JAKMIP2: variants seen among roughly 807,000 people sequenced by gnomAD.
JAKMIP2 encodes the protein janus kinase and microtubule-interacting protein 2.
JAKMIP2 carries 25 observed loss-of-function variants against 115.0 expected under a neutral mutation model. That is an observed-to-expected ratio of 0.22 (90% CI 0.16 to 0.30). The LOEUF is 0.30. Among genes scored for constraint, JAKMIP2 ranks in the 10% least tolerant of loss-of-function variants. The pLI is 1.00. For missense variants in JAKMIP2, 642 were observed against 957.6 expected, an observed-to-expected ratio of 0.67 and a Z score of 4.35; for synonymous variants, 334 against 343.6, an observed-to-expected ratio of 0.97 and a Z score of 0.31.
At position 147,693,552 on chromosome 5, in the gene JAKMIP2, C is replaced by G. The variant is rs537405815; in HGVS notation, c.-148-21598G>C. On this transcript the variant is annotated intron_variant, in intron 1 of 21. Transcript: ENST00000616793. The stretch of plus-strand genomic sequence containing the variant: ...GAGTGATGTGTGGGATTACGGGTGG[C>G]AAAGAGATATCACAAACACATTTTT... 3.7e-4 allele frequency among the ~76,000 whole-genome samples: 56 copies of G among 151,500 alleles called. 1 individual carries two copies. The East Asian group carries it at 0.011, about 29-fold the overall frequency.
At chr5:147,720,136 G>C (rs901904393) in intron 1 of JAKMIP2, among the ~76,000 whole-genome samples, 5 of 152,192 alleles carry the variant, frequency 3.3e-5, no homozygotes, top group African/African-American at 2.4e-5. Flanking sequence ...ATGAAATTCT[G>C]GGTTGAAAAT....
intron 19 of JAKMIP2, among the ~76,000 whole-genome samples, chr5:147,613,423 T>G (rs1353324144): frequency 6.6e-6 from 1 of 152,196 alleles, no homozygotes; most frequent in Non-Finnish European, 1.5e-5. Context: ...TACTTGAACT[T>G]GGAAAGCATA....
intron 1 of JAKMIP2, among the ~76,000 whole-genome samples, chr5:147,676,593 C>A (rs1444874189): frequency 6.6e-6 from 1 of 152,178 alleles, no homozygotes; most frequent in Non-Finnish European, 1.5e-5. Flanking sequence ...TAGCCCCAGG[C>A]AACATTGTGA....
intron 1 of JAKMIP2, 87 bp downstream of exon 1, chr5:147,782,369 A>C: frequency 7.6e-7 from 1 of 1,322,790 alleles, no homozygotes; most frequent in East Asian, 2.5e-5. Flanking sequence ...CACGGGAGTC[A>C]TTGTTCAAGT....
intron 2 of JAKMIP2, among the ~76,000 whole-genome samples, chr5:147,669,478 G>A (rs916422872): frequency 6.6e-6 from 1 of 152,188 alleles, no homozygotes; most frequent in African/African-American, 2.4e-5. Context: ...AAACTTGAGA[G>A]TTACCCATTT....
intron 1 of JAKMIP2, among the ~76,000 whole-genome samples, chr5:147,692,926 A>T (rs1041895430): frequency 1.2e-4 from 19 of 152,256 alleles, no homozygotes; most frequent in African/African-American, 4.3e-4. Context: ...AAATGAGAAC[A>T]AATCATTTCT....
At position 147,679,768 on chromosome 5, in the gene JAKMIP2, A is replaced by G. The variant is rs1393952289; in HGVS notation, c.-148-7814T>C. 2.6e-5 allele frequency among the ~76,000 whole-genome samples: 4 copies of G among 152,320 alleles called. No homozygotes were observed. In the East Asian group the frequency reaches 7.7e-4, roughly 29 times the overall value. On this transcript the variant is annotated intron_variant, in intron 1 of 21. Coordinates refer to ENST00000616793, the MANE Select transcript of JAKMIP2 (RefSeq NM_001270941.2). ...ACAGTTAAGAAATGGCAGAGCTGCA[A>G]CTCAAATACACATGTCAGTCTCCAA...
chr5:147,596,771 A>G (rs1293959060), intron 21 of JAKMIP2, among the ~76,000 whole-genome samples: 1 of 152,220 alleles, frequency 6.6e-6, no homozygotes, highest in Non-Finnish European at 1.5e-5. Context: ...AAGCTAATGG[A>G]TATATTTACA....
chr5:147,706,439 C>A (rs1214296848), intron 1 of JAKMIP2, among the ~76,000 whole-genome samples: 1 of 152,160 alleles, frequency 6.6e-6, no homozygotes. Flanking sequence ...CTGCCCCAGC[C>A]TCCCAAACAG....
intron 1 of JAKMIP2, among the ~76,000 whole-genome samples, chr5:147,702,579 G>GAAGGAAAGAAA (rs1561547232): frequency 2.5e-5 from 2 of 80,608 alleles, no homozygotes; most frequent in South Asian, 4.3e-4. Flanking sequence ...AAAGAAAGAA[G>GAAGGAAAGAAA]GAAAGAAAGA....
At chr5:147,775,746 C>T (rs1051812847) in intron 1 of JAKMIP2, among the ~76,000 whole-genome samples, 2 of 152,160 alleles carry the variant, frequency 1.3e-5, no homozygotes, top group African/African-American at 4.8e-5. Flanking sequence ...AAGTCTTCTA[C>T]AGTCTTAGGC....
chr5:147,683,942 G>A (rs1760442074), intron 1 of JAKMIP2, among the ~76,000 whole-genome samples: 1 of 152,066 alleles, frequency 6.6e-6, no homozygotes, highest in African/African-American at 2.4e-5. Context: ...AAGAGAAACT[G>A]GCTATTAGTA....
intron 1 of JAKMIP2, among the ~76,000 whole-genome samples, chr5:147,778,448 A>C (rs941544831): frequency 6.6e-6 from 1 of 152,080 alleles, no homozygotes; most frequent in Admixed American, 6.5e-5. Context: ...ATTGAATTAA[A>C]ATTATCTTAC....
intron 1 of JAKMIP2, among the ~76,000 whole-genome samples, chr5:147,678,037 C>A (rs973512443): frequency 2.0e-5 from 3 of 152,154 alleles, no homozygotes; most frequent in African/African-American, 7.2e-5. Flanking sequence ...CGGAGTCTTG[C>A]TCTGTTGCCC....
intron 20 of JAKMIP2, among the ~76,000 whole-genome samples, chr5:147,603,653 T>A (rs1393499058): frequency 6.6e-6 from 1 of 152,220 alleles, no homozygotes; most frequent in Non-Finnish European, 1.5e-5. Context: ...GGATTGTTTT[T>A]GAAGTGGTTG....
At chr5:147,714,356 A>G (rs1752886557) in intron 1 of JAKMIP2, among the ~76,000 whole-genome samples, 2 of 152,218 alleles carry the variant, frequency 1.3e-5, no homozygotes, top group Non-Finnish European at 2.9e-5. Flanking sequence ...TAAGAAATCA[A>G]TTGATGAGTT....
intron 20 of JAKMIP2, among the ~76,000 whole-genome samples, chr5:147,610,953 C>A (rs896044714): frequency 2.0e-5 from 3 of 152,164 alleles, no homozygotes; most frequent in Non-Finnish European, 4.4e-5. Flanking sequence ...TCCACCTAGT[C>A]TGAACTTTCC....
intron 1 of JAKMIP2, among the ~76,000 whole-genome samples, chr5:147,780,150 T>A (rs1185586178): frequency 6.6e-6 from 1 of 152,192 alleles, no homozygotes; most frequent in Admixed American, 6.5e-5. Flanking sequence ...CTTCTAGTGC[T>A]TGAAACACAC....
chr5:147,719,559 T>C (rs1753172167), intron 1 of JAKMIP2, among the ~76,000 whole-genome samples: 1 of 152,194 alleles, frequency 6.6e-6, no homozygotes, highest in South Asian at 2.1e-4. Flanking sequence ...ATATTCAGGA[T>C]AGTTAGCTCT....
Sources: allele counts gnomAD v4.1 joint callset (sites outside exome capture counted in the v4.1 genomes callset), GRCh38; gene constraint gnomAD v4.1.1; transcripts MANE v1.5; gene names NCBI Gene and HGNC (gene_info 2026-07-23, HGNC 2026-07-21).